The following TUBGCP3 variants were observed in gnomAD, a reference collection of about 807,000 sequenced individuals.
The protein encoded by TUBGCP3 is tubulin gamma complex component 3.
In TUBGCP3, 50 loss-of-function variants were observed where a neutral mutation model predicts 123.1. The observed-to-expected ratio is 0.41, with a 90% confidence interval of 0.32 to 0.51. The LOEUF (loss-of-function observed/expected upper bound fraction) is 0.51. Ranked by LOEUF, TUBGCP3 falls within the 20% of genes least tolerant of loss-of-function variation. The pLI, the probability that TUBGCP3 is intolerant of heterozygous loss-of-function variation, is 0.36. For missense variants in TUBGCP3, 882 were observed against 1,127.0 expected, an observed-to-expected ratio of 0.78 and a Z score of 3.11; for synonymous variants, 405 against 413.9, an observed-to-expected ratio of 0.98 and a Z score of 0.26.
the TUBGCP3 span, among the ~76,000 whole-genome samples, chr13:112,598,576 C>T: frequency 1.3e-5 from 2 of 152,044 alleles, no homozygotes; most frequent in African/African-American, 2.4e-5. Context: ...TTTGATATGT[C>T]AAGGATATTT....
Position 112,516,470 on chromosome 13 carries a change from A to T in TUBGCP3, c.2056T>A (p.Cys686Ser). 1 of 1,611,898 alleles carries T rather than the reference A, an allele frequency of 6.2e-7. No homozygotes were observed. The highest frequency in any genetic ancestry group is 1.1e-5 in the South Asian group (1 of 90,534). Residue 686 changes from cysteine to serine, a missense_variant, in exon 17 of 22, where the codon TGC (cysteine) becomes AGC (serine). Cys to Ser is a moderately radical substitution (Grantham distance 112). Around this residue, in one of 3 missense-constraint regions of TUBGCP3, gnomAD observed 713 missense variants for 874.0 expected, o/e 0.82. Transcript: ENST00000261965. ...ATGTTTCTCAGGAGCTTTGCATTGC[A>T]CATGTGTCCCTTCCGTATGTCAGTG... ...ILTDIRKGHM[C>S]NAKLLRNMPE...
the TUBGCP3 span, among the ~76,000 whole-genome samples, chr13:112,601,943 A>C: frequency 6.6e-6 from 1 of 152,180 alleles, no homozygotes; most frequent in Non-Finnish European, 1.5e-5. Flanking sequence ...TGTTTTCATA[A>C]GTTATGATCA....
the TUBGCP3 span, among the ~76,000 whole-genome samples, chr13:112,593,568 G>T: frequency 6.6e-6 from 1 of 152,082 alleles, no homozygotes; most frequent in Non-Finnish European, 1.5e-5. Context: ...AGCTACTCGG[G>T]AAGCTGAGAC....
At chr13:112,585,845 A>T (rs1018933354) in intron 1 of TUBGCP3, among the ~76,000 whole-genome samples, 5 of 152,120 alleles carry the variant, frequency 3.3e-5, no homozygotes, top group Non-Finnish European at 7.3e-5. Context: ...ACACAGTTCT[A>T]AATGGGAAGA....
chr13:112,547,370 G>A (rs954590011), intron 10 of TUBGCP3: 31 of 513,170 alleles, frequency 6.0e-5, no homozygotes, highest in African/African-American at 4.5e-4. Context: ...AAGTGGTTAC[G>A]TCCCCTCTTG....
Position 112,508,293 on chromosome 13 carries a change from C to G in TUBGCP3, c.2087-3579G>C, listed in dbSNP as rs1193444064. On this transcript the variant is annotated intron_variant, in intron 17 of 21. Coordinates refer to ENST00000261965, the MANE Select transcript of TUBGCP3 (RefSeq NM_006322.6). This position sits in a 1 kb window ranked among gnomAD's most constrained non-coding sequence, Gnocchi z 4.2. ...CTCCTCTGTGATTTTCAGCCTCCCCCTCCTTCTCCATATCGGCATCTCAAA... is the reference window on the plus strand; with the variant it reads ...CTCCTCTGTGATTTTCAGCCTCCCCGTCCTTCTCCATATCGGCATCTCAAA... Among the ~76,000 whole-genome samples, 1 of 152,236 alleles carries G rather than the reference C, an allele frequency of 6.6e-6. No homozygotes were observed. The highest frequency in any genetic ancestry group is 1.9e-4 in the East Asian group (1 of 5,194).
chr13:112,567,538 A>G (rs889997188), intron 2 of TUBGCP3, among the ~76,000 whole-genome samples: 1 of 152,226 alleles, frequency 6.6e-6, no homozygotes, highest in Non-Finnish European at 1.5e-5. Context: ...TTATATAGAC[A>G]TTGAGGAAAA....
Position 112,554,895 on chromosome 13 carries a change from C to G in TUBGCP3, c.832G>C (p.Glu278Gln). 1 of 1,599,660 alleles carries G rather than the reference C, an allele frequency of 6.3e-7. No individual in the cohort carries two copies. Among genetic ancestry groups the G allele is most frequent in the Non-Finnish European group, 8.5e-7 (1 of 1,173,492 alleles). The change falls in exon 7 of 22, where the codon GAA (glutamate) becomes CAA (glutamine). Residue 278 changes from glutamate to glutamine, a missense_variant. Around this residue, in one of 3 missense-constraint regions of TUBGCP3, gnomAD observed 713 missense variants for 874.0 expected, o/e 0.82. Coordinates refer to ENST00000261965, the MANE Select transcript of TUBGCP3 (RefSeq NM_006322.6). ...MNNTENCYKV[E>Q]GKANLSRSLR... ...ATTTTATGTTACTGTACCTTTCCTTCTACTTTGTAACAATTTTCAGTGTTG... is the reference window on the plus strand; with the variant it reads ...ATTTTATGTTACTGTACCTTTCCTTGTACTTTGTAACAATTTTCAGTGTTG...
intron 9 of TUBGCP3, 139 bp from the exon 10 acceptor site, chr13:112,547,891 T>C: frequency 1.7e-6 from 2 of 1,144,524 alleles, no homozygotes; most frequent in Non-Finnish European, 2.3e-6. Context: ...AAAAATAGTA[T>C]TTTAAAGCTA....
intron 21 of TUBGCP3, among the ~76,000 whole-genome samples, chr13:112,487,451 C>G (rs895026444): frequency 6.6e-6 from 1 of 152,214 alleles, no homozygotes; most frequent in Non-Finnish European, 1.5e-5. Flanking sequence ...AATGTATTAA[C>G]TCCCTCAGGG....
At chr13:112,487,707 A>G (rs1566524122) in intron 21 of TUBGCP3, among the ~76,000 whole-genome samples, 1 of 152,234 alleles carries the variant, frequency 6.6e-6, no homozygotes, top group African/African-American at 2.4e-5. Flanking sequence ...TTCACGGAAC[A>G]TGACTGGCCA....
chr13:112,558,324 G>A lies in TUBGCP3; in HGVS notation c.420C>T (p.Pro140=). Residue 140 remains proline (P), a synonymous_variant, in exon 5 of 22, where the codon CCC becomes CCT. Coordinates refer to ENST00000261965, the MANE Select transcript of TUBGCP3 (RefSeq NM_006322.6). The stretch of plus-strand genomic sequence containing the variant: ...GGGCACTCCGATCTTGGTAGCTCAG[G>A]GGAAGGGTCTGAGGCCTGGCATAGT... The part of the protein sequence containing the change: ...PYYYARPQTL[P]LSYQDRSAQS... 6.2e-7 allele frequency: 1 copy of A among 1,614,044 alleles called. No individual in the cohort carries two copies. The highest frequency in any genetic ancestry group is 8.5e-7 in the Non-Finnish European group (1 of 1,179,994).
Position 112,531,709 on chromosome 13 carries a change from G to A in TUBGCP3, c.1336-4225C>T, listed in dbSNP as rs896629978. Among the ~76,000 whole-genome samples the A allele has an allele frequency of 3.9e-5, 6 of 152,120 alleles. No individual in the cohort carries two copies. In the East Asian group the frequency reaches 1.2e-3, roughly 29 times the overall value. Reference sequence around the variant, plus strand: ...TTATGAAAGCACTGCTTCATCTAAGGGCAAAGGAGCATGCAATCACTCCAG... The same window carrying A: ...TTATGAAAGCACTGCTTCATCTAAGAGCAAAGGAGCATGCAATCACTCCAG... On this transcript the variant is annotated intron_variant, in intron 11 of 21. Coordinates refer to ENST00000261965, the MANE Select transcript of TUBGCP3 (RefSeq NM_006322.6).
intron 17 of TUBGCP3, among the ~76,000 whole-genome samples, chr13:112,515,774 C>T (rs185897371): frequency 3.0e-4 from 45 of 152,312 alleles, no homozygotes; most frequent in African/African-American, 1.0e-3. Context: ...CCACAGCCTT[C>T]GGCAGGGGTC....
rs139529332 is a variant in TUBGCP3 at position 112,557,679 on chromosome 13, A to C, written c.548+517T>G. ...TATTTCTTGAAAACATGCTTGGACCACATACATAAAACCTTCGTTGTGCAT... is the reference window on the plus strand; with the variant it reads ...TATTTCTTGAAAACATGCTTGGACCCCATACATAAAACCTTCGTTGTGCAT... On this transcript the variant is annotated intron_variant, in intron 5 of 21. Coordinates refer to ENST00000261965, the MANE Select transcript of TUBGCP3 (RefSeq NM_006322.6). Among the ~76,000 whole-genome samples the C allele has an allele frequency of 5.6e-3, 854 of 152,386 alleles. 8 individuals are homozygous for C. Among genetic ancestry groups the C allele is most frequent in the African/African-American group, 0.02 (821 of 41,598 alleles).
chr13:112,528,616 G>T (rs1024492902), intron 11 of TUBGCP3, among the ~76,000 whole-genome samples: 1 of 152,138 alleles, frequency 6.6e-6, no homozygotes, highest in Admixed American at 6.5e-5. Context: ...GTGACCATTT[G>T]TGAATCATTA....
intron 11 of TUBGCP3, among the ~76,000 whole-genome samples, chr13:112,538,023 C>T (rs977020562): frequency 6.6e-6 from 1 of 152,202 alleles, no homozygotes; most frequent in African/African-American, 2.4e-5. Context: ...CACCTTGTGG[C>T]CTCCACAGTT....
intron 11 of TUBGCP3, among the ~76,000 whole-genome samples, chr13:112,530,621 T>G (rs561077459): frequency 5.1e-4 from 78 of 152,350 alleles, no homozygotes; most frequent in African/African-American, 1.8e-3. Context: ...GTGTGGATTT[T>G]GGGATCCACA....
intron 11 of TUBGCP3, among the ~76,000 whole-genome samples, chr13:112,537,277 T>C (rs551388010): frequency 2.6e-5 from 4 of 152,190 alleles, no homozygotes; most frequent in African/African-American, 9.6e-5. Flanking sequence ...TCTTTAAGTA[T>C]GATGTTAGCT....
Sources: allele counts gnomAD v4.1 joint callset (sites outside exome capture counted in the v4.1 genomes callset), GRCh38; gene constraint gnomAD v4.1.1; regional missense constraint gnomAD v4.1.1; non-coding constraint Gnocchi (gnomAD v3.1); transcripts MANE v1.5; gene names NCBI Gene and HGNC (gene_info 2026-07-23, HGNC 2026-07-21).